LIPA: variants seen among roughly 807,000 people sequenced by gnomAD.
LIPA encodes lysosomal acid lipase/cholesteryl ester hydrolase.
A neutral mutation model predicts 40.6 loss-of-function variants in LIPA; 26 were observed. That is an observed-to-expected ratio of 0.64 (90% CI 0.47 to 0.89). LIPA has a LOEUF of 0.89. LIPA is among the 40% of genes least tolerant of loss of function. The probability of loss-of-function intolerance (pLI) is 0.00; values close to 1 mark genes in which losing one functional copy is unlikely to be tolerated. For synonymous variants in LIPA, 188 were observed against 168.4 expected, an observed-to-expected ratio of 1.12 and a Z score of -0.90; for missense variants, 455 against 479.6, an observed-to-expected ratio of 0.95 and a Z score of 0.48.
intron 2 of LIPA, among the ~76,000 whole-genome samples, chr10:89,368,125 T>C (rs770606320): frequency 1.3e-5 from 2 of 152,180 alleles, no homozygotes; most frequent in Non-Finnish European, 2.9e-5. Flanking sequence ...GAAATGTCAT[T>C]GATTGACTCT....
intron 1 of LIPA, among the ~76,000 whole-genome samples, chr10:89,325,617 G>A (rs1843593989): frequency 6.6e-6 from 1 of 152,130 alleles, no homozygotes; most frequent in African/African-American, 2.4e-5. Flanking sequence ...TGCAGGAAGA[G>A]AAAACCAAAT....
intron 1 of LIPA, among the ~76,000 whole-genome samples, chr10:89,294,972 T>C (rs1843401129): frequency 1.5e-5 from 2 of 134,354 alleles, no homozygotes; most frequent in Non-Finnish European, 3.1e-5. Context: ...AGCAAGACTC[T>C]GTCTGAAAAG....
At chr10:89,336,530 A>G (rs1268515332) in intron 1 of LIPA, among the ~76,000 whole-genome samples, 1 of 152,224 alleles carries the variant, frequency 6.6e-6, no homozygotes, top group Non-Finnish European at 1.5e-5. Context: ...CACTTGCAGT[A>G]GCGGTGTGAG....
intron 2 of LIPA, among the ~76,000 whole-genome samples, chr10:89,379,068 T>A (rs561785961): frequency 3.4e-4 from 52 of 152,250 alleles, no homozygotes; most frequent in Non-Finnish European, 2.9e-4. Context: ...TTTTATTTGA[T>A]AAATTGGTTA....
intron 1 of LIPA, among the ~76,000 whole-genome samples, chr10:89,274,645 C>T (rs183176453): frequency 2.3e-4 from 35 of 152,244 alleles, no homozygotes; most frequent in Non-Finnish European, 1.3e-4. Context: ...TAAACAATCC[C>T]GTTTATTGCT....
At chr10:89,300,362 A>C (rs933861784) in intron 1 of LIPA, among the ~76,000 whole-genome samples, 8 of 152,352 alleles carry the variant, frequency 5.3e-5, no homozygotes, top group Non-Finnish European at 1.2e-4. Flanking sequence ...GACTAGGGTG[A>C]CTATACTTAG....
At chr10:89,395,270 G>A (rs1228253736) in intron 2 of LIPA, among the ~76,000 whole-genome samples, 2 of 141,318 alleles carry the variant, frequency 1.4e-5, no homozygotes, top group Non-Finnish European at 3.0e-5. Context: ...GCACCTGCTT[G>A]CTCTAAACCC....
chr10:89,347,999 T>C (rs145169380), intron 2 of LIPA, among the ~76,000 whole-genome samples: 130 of 152,300 alleles, frequency 8.5e-4, no homozygotes, highest in African/African-American at 3.0e-3. Flanking sequence ...GTCCAAAAAA[T>C]ACACTGAAGT....
intron 1 of LIPA, chr10:89,338,183 G>A (rs566675685): frequency 6.4e-6 from 1 of 157,172 alleles, no homozygotes; most frequent in South Asian, 1.9e-4. Context: ...TTATTATGAG[G>A]AATTGGCTCA....
intron 1 of LIPA, among the ~76,000 whole-genome samples, chr10:89,270,874 C>T (rs916268822): frequency 1.3e-5 from 2 of 152,184 alleles, no homozygotes; most frequent in Admixed American, 6.5e-5. Context: ...TCATCCCCTG[C>T]AGATAACTAT....
At chr10:89,340,178 G>A (rs150477817) in intron 1 of LIPA, 563 of 1,517,326 alleles carry the variant, frequency 3.7e-4, no homozygotes, top group Middle Eastern at 4.7e-4. Context: ...TGGTTGTGAC[G>A]GGTAGGACGA....
upstream of LIPA, among the ~76,000 whole-genome samples, chr10:89,255,072 A>T (rs1230353865): frequency 6.6e-6 from 1 of 152,064 alleles, no homozygotes; most frequent in Non-Finnish European, 1.5e-5. Context: ...AACTGTTCCA[A>T]CCTCTGCCTG....
chr10:89,389,286 AG>A (rs1455582211), intron 2 of LIPA, among the ~76,000 whole-genome samples: 2 of 152,252 alleles, frequency 1.3e-5, no homozygotes, highest in African/African-American at 4.8e-5. Flanking sequence ...GATTCAGTCA[AG>A]CCTTTGGTTT....
chr10:89,290,773 C>A (rs554625826), intron 1 of LIPA, among the ~76,000 whole-genome samples: 1 of 151,748 alleles, frequency 6.6e-6, no homozygotes, highest in Non-Finnish European at 1.5e-5. Context: ...TATAAAACGG[C>A]CCCGGCCCTA....
intron 2 of LIPA, chr10:89,384,536 T>C (rs866384412): frequency 2.5e-6 from 4 of 1,613,732 alleles, no homozygotes; most frequent in Middle Eastern, 1.6e-4. Context: ...GGTTTGAAAA[T>C]AGAAAAAATG....
chr10:89,236,745 CTTTTATCT>C (rs60261164), intron 3 of LIPA, among the ~76,000 whole-genome samples: 12,789 of 152,104 alleles, frequency 0.084, 872 homozygotes, highest in African/African-American at 0.19. Context: ...TCCGAAATAC[CTTTTATCT>C]CATATTGAAA....
upstream of LIPA, among the ~76,000 whole-genome samples, chr10:89,252,806 C>CA (rs1564769052): frequency 2.5e-4 from 12 of 47,712 alleles, no homozygotes; most frequent in African/African-American, 7.8e-4. Context: ...ACTCCATCCC[C>CA]CAAAAAAAAA....
At chr10:89,372,277 G>C (rs1412745296) in intron 2 of LIPA, among the ~76,000 whole-genome samples, 1 of 152,206 alleles carries the variant, frequency 6.6e-6, no homozygotes, top group African/African-American at 2.4e-5. Flanking sequence ...CACACTGCAA[G>C]AGTAGCCACA....
At chr10:89,260,763 C>T (rs1250585370) in intron 1 of LIPA, among the ~76,000 whole-genome samples, 1 of 152,182 alleles carries the variant, frequency 6.6e-6, no homozygotes, top group East Asian at 1.9e-4. Flanking sequence ...GGGCAGACTG[C>T]TCTGCCTCCC....
Sources: gnomAD v4.1 joint callset for allele counts (sites outside exome capture counted in the v4.1 genomes callset) on GRCh38, gnomAD v4.1.1 for gene constraint, MANE v1.5 for transcripts, NCBI Gene and HGNC (gene_info 2026-07-23, HGNC 2026-07-21) for gene names.